Variants in DPYD observed in about 807,000 individuals in gnomAD.
DPYD encodes the protein dihydropyrimidine dehydrogenase [NADP(+)].
Under a neutral mutation model 116.2 loss-of-function variants are expected in DPYD, and 109 were observed. The observed-to-expected ratio is 0.94, with a 90% confidence interval of 0.80 to 1.10. The LOEUF is 1.10. DPYD is among the 50% of genes least tolerant of loss of function. DPYD has a pLI of 0.00. For synonymous variants in DPYD, 440 were observed against 432.0 expected, an observed-to-expected ratio of 1.02 and a Z score of -0.23; for missense variants, 1,302 against 1,254.5, an observed-to-expected ratio of 1.04 and a Z score of -0.57.
chr1:97,499,853 T>C (rs1184975560), intron 13 of DPYD, among the ~76,000 whole-genome samples: 1 of 151,974 alleles, frequency 6.6e-6, no homozygotes. Flanking sequence ...TGTGAACTTG[T>C]GGTTCTTTGT....
At chr1:97,858,952 A>G (rs1670982686) in intron 2 of DPYD, among the ~76,000 whole-genome samples, 2 of 152,052 alleles carry the variant, frequency 1.3e-5, no homozygotes, top group Admixed American at 6.5e-5. Context: ...TGAATTTACA[A>G]TTCATAGAAC....
chr1:97,369,763 G>A (rs1671222659), intron 16 of DPYD, among the ~76,000 whole-genome samples: 2 of 152,172 alleles, frequency 1.3e-5, no homozygotes. Flanking sequence ...TGGAAGCGCA[G>A]CCTCCAGTAT....
rs1411014366 is a variant in DPYD, at chr1:97,659,653, C to T, written c.850+19442G>A. Among the ~76,000 whole-genome samples the T allele has an allele frequency of 2.6e-5, 4 of 152,168 alleles. No individual in the cohort carries two copies. In the South Asian group the frequency reaches 6.2e-4, roughly 24 times the overall value. ...AAATGAATTACTTCATTCCTCAAAA[C>T]AGCAAGTTAAATTTTTCAACTTGCT... On this transcript the variant is annotated intron_variant, in intron 8 of 22. Coordinates refer to ENST00000370192, the MANE Select transcript of DPYD (RefSeq NM_000110.4).
chr1:97,782,927 G>A (rs984050043), intron 3 of DPYD, among the ~76,000 whole-genome samples: 2 of 152,272 alleles, frequency 1.3e-5, no homozygotes, highest in Non-Finnish European at 2.9e-5. Flanking sequence ...AGCCATGTGA[G>A]CCGACATAGT....
chr1:97,908,823 G>A (rs1423222110), intron 1 of DPYD, among the ~76,000 whole-genome samples: 1 of 151,876 alleles, frequency 6.6e-6, no homozygotes, highest in Non-Finnish European at 1.5e-5. Context: ...CTATGCTGAC[G>A]TCCCTCAGAT....
rs187522135 is a variant in DPYD, at chr1:97,516,411, T to C, written c.1525-470A>G. On this transcript the variant is annotated intron_variant, in intron 12 of 22. Coordinates refer to ENST00000370192, the MANE Select transcript of DPYD (RefSeq NM_000110.4). Reference sequence around the variant, plus strand: ...ATAAGTCCCTGTCTTTTCTTCTCTATAGTTTTCAGTATAGCAGCAGGAATG... The same window carrying C: ...ATAAGTCCCTGTCTTTTCTTCTCTACAGTTTTCAGTATAGCAGCAGGAATG... Among the ~76,000 whole-genome samples, 30 of 152,132 alleles carry C rather than the reference T, an allele frequency of 2.0e-4. No individual in the cohort carries two copies. In the East Asian group the frequency reaches 5.4e-3, roughly 28 times the overall value.
intron 18 of DPYD, among the ~76,000 whole-genome samples, chr1:97,301,513 T>C (rs1490354785): frequency 6.6e-6 from 1 of 151,986 alleles, no homozygotes; most frequent in Admixed American, 6.6e-5. Context: ...CTCTTTCCTA[T>C]ATATGTGAAT....
chr1:97,105,126 T>G (rs1362266811), intron 20 of DPYD, among the ~76,000 whole-genome samples: 3 of 152,104 alleles, frequency 2.0e-5, no homozygotes, highest in African/African-American at 7.2e-5. Context: ...AAACTGTCAT[T>G]TTTTAAAGTA....
intron 18 of DPYD, among the ~76,000 whole-genome samples, chr1:97,288,382 C>A (rs947139737): frequency 1.3e-5 from 2 of 151,648 alleles, no homozygotes; most frequent in Non-Finnish European, 2.9e-5. Flanking sequence ...ACAGAATATA[C>A]ATTTTTTTCA....
intron 1 of DPYD, among the ~76,000 whole-genome samples, chr1:97,902,879 T>C (rs1212815715): frequency 6.6e-6 from 1 of 151,872 alleles, no homozygotes; most frequent in Non-Finnish European, 1.5e-5. Context: ...TCTAAATAAC[T>C]GCAATAACTT....
At chr1:97,157,110 A>T (rs1475257721) in intron 20 of DPYD, among the ~76,000 whole-genome samples, 1 of 99,392 alleles carries the variant, frequency 1.0e-5, no homozygotes, top group Non-Finnish European at 1.9e-5. Context: ...CACTCTGGGG[A>T]CTGTTGTGGG....
intron 13 of DPYD, among the ~76,000 whole-genome samples, chr1:97,503,241 C>T (rs1039241953): frequency 6.6e-6 from 1 of 151,922 alleles, no homozygotes; most frequent in African/African-American, 2.4e-5. Context: ...AGGAGATGTC[C>T]AAAAATCACA....
intron 18 of DPYD, among the ~76,000 whole-genome samples, chr1:97,243,954 G>A (rs752545803): frequency 1.3e-5 from 2 of 151,886 alleles, no homozygotes; most frequent in Non-Finnish European, 2.9e-5. Context: ...AATTACAGAA[G>A]CAAAGTGAAA....
rs574047529 is a variant in DPYD at position 97,851,624 on chromosome 1, T to C, written c.151-23428A>G. On this transcript the variant is annotated intron_variant, in intron 2 of 22. Coordinates refer to ENST00000370192, the MANE Select transcript of DPYD (RefSeq NM_000110.4). ...AAGTTTCTGTCCCGAAGTCCAAATA[T>C]GATATTTAACCCTAGTCCTCCAAAC... 5.9e-5 allele frequency among the ~76,000 whole-genome samples: 9 copies of C among 151,858 alleles called. No homozygotes were observed. The South Asian group carries it at 6.2e-4, about 11-fold the overall frequency.
intron 5 of DPYD, among the ~76,000 whole-genome samples, chr1:97,702,403 C>T (rs199924801): frequency 6.6e-6 from 1 of 151,620 alleles, no homozygotes; most frequent in Non-Finnish European, 1.5e-5. Context: ...TAAATAAATG[C>T]TAATTTCTTT....
At position 97,234,935 on chromosome 1, in the gene DPYD, C is replaced by T. The variant is rs758649719; in HGVS notation, c.2359G>A (p.Gly787Arg). 4 of 1,614,000 alleles carry T rather than the reference C, an allele frequency of 2.5e-6. No homozygotes were observed. The highest frequency in any genetic ancestry group is 1.7e-5 in the Admixed American group (1 of 60,010). Residue 787 changes from glycine (G) to arginine (R), a missense_variant, in exon 19 of 23, where the codon GGA becomes AGA. Transcript: ENST00000370192. Reference sequence around the variant, plus strand: ...CCACCAGTAGCCAAAATGGGAAATCCAGGCAGAGCACGAGCAATGGAGGTC... The same window carrying T: ...CCACCAGTAGCCAAAATGGGAAATCTAGGCAGAGCACGAGCAATGGAGGTC... ...AVTSIARALP[G>R]FPILATGGID...
At chr1:97,486,489 G>C (rs1419467140) in intron 13 of DPYD, among the ~76,000 whole-genome samples, 1 of 152,054 alleles carries the variant, frequency 6.6e-6, no homozygotes, top group Non-Finnish European at 1.5e-5. Context: ...GGAGATTATG[G>C]GTAGAGAGTA....
chr1:97,523,714 T>C (rs1210248143), intron 12 of DPYD, among the ~76,000 whole-genome samples: 1 of 152,186 alleles, frequency 6.6e-6, no homozygotes, highest in African/African-American at 2.4e-5. Context: ...TTTTTGTTTT[T>C]GCTTAGAATG....
chr1:97,323,060 T>C (rs1033805827), intron 16 of DPYD: 12 of 151,538 alleles, frequency 7.9e-5, no homozygotes, highest in African/African-American at 2.9e-4. Context: ...TTTTTCAAAA[T>C]TGAGTTGAAC....
Sources: gnomAD v4.1 joint callset for allele counts (sites outside exome capture counted in the v4.1 genomes callset) on GRCh38, gnomAD v4.1.1 for gene constraint, MANE v1.5 for transcripts, NCBI Gene and HGNC (gene_info 2026-07-23, HGNC 2026-07-21) for gene names.